Variants in GLT1D1 observed in about 807,000 individuals in gnomAD.
GLT1D1 encodes the protein glycosyltransferase 1 domain containing 1, also known as glycosyltransferase 1 domain-containing protein 1.
GLT1D1 carries 21 observed loss-of-function variants against 28.7 expected under a neutral mutation model. The ratio of observed to expected loss-of-function variants is 0.73; its 90% CI spans 0.52 to 1.05. The LOEUF (loss-of-function observed/expected upper bound fraction) is 1.05, where lower values mean the gene tolerates loss of function less well. GLT1D1 is among the 50% of genes least tolerant of loss of function. The probability of loss-of-function intolerance (pLI) is 0.00; values close to 1 mark genes in which losing one functional copy is unlikely to be tolerated. For missense variants in GLT1D1, 343 were observed against 330.6 expected (o/e 1.04, Z -0.29); for synonymous variants, 147 against 124.8 (o/e 1.18, Z -1.19).
chr12:128,870,471 C>G (rs758446567), intron 1 of GLT1D1, among the ~76,000 whole-genome samples: 2 of 151,998 alleles, frequency 1.3e-5, no homozygotes, highest in African/African-American at 4.8e-5. Context: ...TTCAAGAAAG[C>G]CTTTTTAAAT....
At chr12:128,885,841 C>T (rs746704659) in intron 2 of GLT1D1, among the ~76,000 whole-genome samples, 13 of 152,200 alleles carry the variant, frequency 8.5e-5, no homozygotes, top group Admixed American at 2.6e-4. Flanking sequence ...GAAAACGACT[C>T]TCCCACTGTT....
chr12:128,901,946 G>T (rs2135859249), intron 4 of GLT1D1, among the ~76,000 whole-genome samples: 1 of 151,728 alleles, frequency 6.6e-6, no homozygotes. Flanking sequence ...TAGAATTTTG[G>T]AAAGCCAGCA....
rs1231047484 is a variant in GLT1D1 at position 128,983,203 on chromosome 12, C to T, written c.*113C>T. The T allele has an allele frequency of 4.3e-6, 4 of 935,920 alleles. No homozygotes were observed. Among genetic ancestry groups the T allele is most frequent in the South Asian group, 3.1e-5 (2 of 63,856 alleles). 58.0% of individuals were successfully genotyped at this position (935,920 alleles called of 1,614,324 possible). ...GCAGTTCAAATAAAACCAGCCTCAG[C>T]GGAATCCTAGAAAATGTTAGTCGTG... On this transcript the variant is annotated 3_prime_UTR_variant, in exon 8 of 8. Transcript: ENST00000281703. This position sits in a 1 kb window ranked among gnomAD's most constrained non-coding sequence, Gnocchi z 4.7.
chr12:128,949,033 T>C (rs964818224), intron 6 of GLT1D1, among the ~76,000 whole-genome samples: 1 of 152,182 alleles, frequency 6.6e-6, no homozygotes, highest in Non-Finnish European at 1.5e-5. Context: ...CTAGTATTAA[T>C]CTCCATTGTC....
intron 1 of GLT1D1, among the ~76,000 whole-genome samples, chr12:128,871,350 A>G (rs1422759529): frequency 6.6e-6 from 1 of 152,164 alleles, no homozygotes; most frequent in Non-Finnish European, 1.5e-5. Context: ...CAGCATTTCC[A>G]AAGGATACTA....
At chr12:128,866,500 C>A (rs1312907581) in intron 1 of GLT1D1, among the ~76,000 whole-genome samples, 6 of 151,508 alleles carry the variant, frequency 4.0e-5, no homozygotes, top group Non-Finnish European at 8.8e-5. Context: ...CCCACCAAGC[C>A]CCCCAACAGC....
At chr12:128,896,393 A>C (rs1405077426) in intron 3 of GLT1D1, among the ~76,000 whole-genome samples, 2 of 152,112 alleles carry the variant, frequency 1.3e-5, no homozygotes, top group Non-Finnish European at 1.5e-5. Context: ...GCAATGTAGA[A>C]ATTTTGAAAA....
At chr12:128,966,013 C>G (rs891727533) in intron 7 of GLT1D1, among the ~76,000 whole-genome samples, 2 of 152,208 alleles carry the variant, frequency 1.3e-5, no homozygotes, top group Admixed American at 6.5e-5. Flanking sequence ...GATGGGACCT[C>G]CAAAAAGAGG....
Position 128,888,755 on chromosome 12 carries a change from C to A in GLT1D1, c.323+11C>A, listed in dbSNP as rs377080982. The stretch of plus-strand genomic sequence containing the variant: ...TCTTGAGGAAGCCAGGTAATACCTG[C>A]GAGAATTTCATCCATGCCAAACATT... On this transcript the variant is annotated intron_variant, in intron 3 of 7. Transcript: ENST00000281703. 10 of 1,521,034 alleles carry A rather than the reference C, an allele frequency of 6.6e-6. No homozygotes were observed. The highest frequency in any genetic ancestry group is 8.2e-6 in the Non-Finnish European group (9 of 1,098,086). 94.2% of individuals were successfully genotyped at this position (1,521,034 alleles called of 1,614,324 possible).
intron 7 of GLT1D1, among the ~76,000 whole-genome samples, chr12:128,963,693 G>A (rs12318864): frequency 0.044 from 6,773 of 152,224 alleles, 170 homozygotes; most frequent in Middle Eastern, 0.088. Flanking sequence ...GAAAATTAAC[G>A]TGTGCTGGCT....
intron 4 of GLT1D1, among the ~76,000 whole-genome samples, chr12:128,913,563 A>G (rs1871771933): frequency 6.6e-6 from 1 of 152,216 alleles, no homozygotes; most frequent in Non-Finnish European, 1.5e-5. Flanking sequence ...CATGATAGAA[A>G]TAATGGAAAG....
At chr12:128,980,510 G>C (rs1180546869) in intron 7 of GLT1D1, among the ~76,000 whole-genome samples, 1 of 152,206 alleles carries the variant, frequency 6.6e-6, no homozygotes, top group African/African-American at 2.4e-5. Flanking sequence ...CTGGATTCGC[G>C]GGGTGGTGCT....
At chr12:128,943,189 T>C (rs1265089541) in intron 4 of GLT1D1, among the ~76,000 whole-genome samples, 3 of 152,254 alleles carry the variant, frequency 2.0e-5, no homozygotes, top group African/African-American at 7.2e-5. Flanking sequence ...TTACTGGTCC[T>C]GGTTAACCTA....
intron 1 of GLT1D1, among the ~76,000 whole-genome samples, chr12:128,863,716 G>T (rs1383272343): frequency 2.6e-5 from 4 of 152,052 alleles, no homozygotes; most frequent in Non-Finnish European, 4.4e-5. Flanking sequence ...ACACAGGAAG[G>T]CAGGGGAAAG....
At chr12:128,918,495 CA>C (rs1359839226) in intron 4 of GLT1D1, among the ~76,000 whole-genome samples, 5 of 152,060 alleles carry the variant, frequency 3.3e-5, no homozygotes, top group African/African-American at 1.2e-4. Context: ...TAAAATGAAA[CA>C]AAAAAGACTT....
chr12:128,950,417 T>C (rs11060038), intron 6 of GLT1D1, among the ~76,000 whole-genome samples: 68,583 of 152,070 alleles, frequency 0.45, 16,558 homozygotes, highest in Non-Finnish European at 0.54. Context: ...GAATGTGCTG[T>C]GGGCACGTGT....
chr12:128,962,262 C>G (rs976787047), intron 7 of GLT1D1, among the ~76,000 whole-genome samples: 2 of 152,274 alleles, frequency 1.3e-5, no homozygotes, highest in African/African-American at 4.8e-5. Context: ...GGGCAGTCAA[C>G]TGTTCTCCTA....
At chr12:128,942,392 GA>G (rs1875395491) in intron 4 of GLT1D1, among the ~76,000 whole-genome samples, 1 of 152,108 alleles carries the variant, frequency 6.6e-6, no homozygotes, top group Non-Finnish European at 1.5e-5. Context: ...ATTCTTTTAA[GA>G]AACTTTGGTT....
At chr12:128,923,596 A>G (rs889388474) in intron 4 of GLT1D1, among the ~76,000 whole-genome samples, 2 of 150,724 alleles carry the variant, frequency 1.3e-5, no homozygotes. Flanking sequence ...ATCTCTGCTT[A>G]CTGCAACCTC....
Sources: gnomAD v4.1 joint callset for allele counts (sites outside exome capture counted in the v4.1 genomes callset) on GRCh38, gnomAD v4.1.1 for gene constraint, Gnocchi (gnomAD v3.1) non-coding constraint, MANE v1.5 for transcripts, NCBI Gene and HGNC (gene_info 2026-07-23, HGNC 2026-07-21) for gene names.